Variants in SPMAP2L observed in about 807,000 individuals in gnomAD.
The protein encoded by SPMAP2L is sperm microtubule associated protein 2 like, also known as sperm microtubule associated protein 2-like.
the SPMAP2L span, among the ~76,000 whole-genome samples, chr4:56,533,076 A>G: frequency 2.0e-5 from 3 of 151,488 alleles, no homozygotes; most frequent in Non-Finnish European, 2.9e-5. Flanking sequence ...CCATGGACCA[A>G]CAATGGAATT....
At chr4:56,574,797 T>A in the SPMAP2L span, among the ~76,000 whole-genome samples, 1 of 150,498 alleles carries the variant, frequency 6.6e-6, no homozygotes, top group Non-Finnish European at 1.5e-5. Context: ...CTGGGGAACA[T>A]AGTGAAACCC....
At chr4:56,559,429 G>A in the SPMAP2L span, 3 of 1,528,912 alleles carry the variant, frequency 2.0e-6, no homozygotes, top group East Asian at 2.5e-5. Flanking sequence ...TATTCGCCCT[G>A]TTTCCCAGGG....
the SPMAP2L span, among the ~76,000 whole-genome samples, chr4:56,554,494 G>T: frequency 6.6e-6 from 1 of 152,098 alleles, no homozygotes. Context: ...CAGTTCTTCT[G>T]CCCACTTTTT....
the SPMAP2L span, among the ~76,000 whole-genome samples, chr4:56,606,429 G>A: frequency 3.9e-5 from 6 of 152,120 alleles, no homozygotes; most frequent in Non-Finnish European, 8.8e-5. Context: ...ACTGTCTTCT[G>A]GGACTGTGGA....
At chr4:56,562,112 T>TA in the SPMAP2L span, among the ~76,000 whole-genome samples, 1 of 152,100 alleles carries the variant, frequency 6.6e-6, no homozygotes, top group Admixed American at 6.6e-5. Context: ...AAGACACAAT[T>TA]ACTGTTTTTA....
the SPMAP2L span, among the ~76,000 whole-genome samples, chr4:56,597,933 G>A: frequency 0.029 from 4,373 of 152,114 alleles, 188 homozygotes; most frequent in African/African-American, 0.095. Context: ...CACGATCATG[G>A]CTCACTGCAG....
At chr4:56,612,444 C>T in the SPMAP2L span, among the ~76,000 whole-genome samples, 4 of 152,018 alleles carry the variant, frequency 2.6e-5, no homozygotes, top group South Asian at 2.1e-4. Context: ...CGAGTTCAAG[C>T]GATTCTCGTG....
chr4:56,594,706 C>T, the SPMAP2L span: 1 of 1,378,070 alleles, frequency 7.3e-7, no homozygotes, highest in East Asian at 2.3e-5. Context: ...ACCTCAAGGC[C>T]ATGGTGGATA....
the SPMAP2L span, among the ~76,000 whole-genome samples, chr4:56,555,586 A>G: frequency 6.6e-6 from 1 of 152,208 alleles, no homozygotes; most frequent in Admixed American, 6.5e-5. Context: ...CTTCCTATCC[A>G]TGAATATTGA....
At chr4:56,558,572 T>C in the SPMAP2L span, among the ~76,000 whole-genome samples, 18 of 152,186 alleles carry the variant, frequency 1.2e-4, 1 homozygote, top group Admixed American at 9.2e-4. Context: ...GATTTCATGG[T>C]TGTGTCTAAG....
chr4:56,595,465 C>T, the SPMAP2L span: 27 of 1,600,968 alleles, frequency 1.7e-5, no homozygotes, highest in Admixed American at 3.0e-4. Context: ...TGAGGAGGGC[C>T]GCATCGACCC....
the SPMAP2L span, among the ~76,000 whole-genome samples, chr4:56,620,508 C>A: frequency 0.034 from 5,111 of 151,944 alleles, 233 homozygotes; most frequent in African/African-American, 0.11. Flanking sequence ...TGCCTCACTG[C>A]CCGAGTAGCT....
At chr4:56,538,782 A>G in the SPMAP2L span, among the ~76,000 whole-genome samples, 17 of 152,286 alleles carry the variant, frequency 1.1e-4, no homozygotes, top group Middle Eastern at 6.8e-3. Flanking sequence ...CAGCCTGGGC[A>G]ACAGAGCAAG....
At chr4:56,624,102 T>C in the SPMAP2L span, among the ~76,000 whole-genome samples, 1 of 152,182 alleles carries the variant, frequency 6.6e-6, no homozygotes, top group Non-Finnish European at 1.5e-5. Context: ...TTGTCTCAGA[T>C]GGAGATGAGG....
the SPMAP2L span, among the ~76,000 whole-genome samples, chr4:56,536,841 G>C: frequency 6.6e-6 from 1 of 152,054 alleles, no homozygotes; most frequent in South Asian, 2.1e-4. Context: ...TTGGCTCACT[G>C]CAAAGTCCGC....
the SPMAP2L span, among the ~76,000 whole-genome samples, chr4:56,587,392 T>C: frequency 2.0e-5 from 3 of 152,206 alleles, no homozygotes; most frequent in Non-Finnish European, 4.4e-5. Context: ...CAGTGGTGAT[T>C]TGTGAGATTT....
At chr4:56,605,406 A>G in the SPMAP2L span, among the ~76,000 whole-genome samples, 2 of 152,204 alleles carry the variant, frequency 1.3e-5, no homozygotes, top group Non-Finnish European at 2.9e-5. Flanking sequence ...TAAAATTACA[A>G]CACTAGCAAG....
chr4:56,552,244 A>T, the SPMAP2L span, among the ~76,000 whole-genome samples: 2 of 152,110 alleles, frequency 1.3e-5, no homozygotes, highest in Non-Finnish European at 2.9e-5. Context: ...ACCTTAATAG[A>T]CTGATTGAGG....
the SPMAP2L span, among the ~76,000 whole-genome samples, chr4:56,600,097 C>CTTTTTTTTTTT: frequency 1.3e-3 from 112 of 87,802 alleles, no homozygotes; most frequent in Non-Finnish European, 1.6e-3. Flanking sequence ...TCTTTGCTTT[C>CTTTTTTTTTTT]TTTTTTTTTT....
Sources: gnomAD v4.1 joint callset for allele counts (sites outside exome capture counted in the v4.1 genomes callset) on GRCh38, gnomAD v4.1.1 for gene constraint, MANE v1.5 for transcripts, NCBI Gene and HGNC (gene_info 2026-07-23, HGNC 2026-07-21) for gene names.